RAB38: variants seen among roughly 807,000 people sequenced by gnomAD.
RAB38 encodes the protein ras-related protein Rab-38.
RAB38 carries 15 observed loss-of-function variants against 18.4 expected under a neutral mutation model. The observed-to-expected ratio is 0.82, with a 90% CI of 0.55 to 1.26. RAB38 has a LOEUF of 1.26. RAB38 is among the 50% of genes most tolerant of loss of function. RAB38 has a pLI of 0.00. For synonymous variants in RAB38, 101 were observed against 104.4 expected (o/e 0.97, Z 0.20); for missense variants, 294 against 267.4 (o/e 1.10, Z -0.69).
chr11:88,024,669 G>C, the RAB38 span, among the ~76,000 whole-genome samples: 677 of 152,226 alleles, frequency 4.4e-3, 2 homozygotes, highest in African/African-American at 0.016. Context: ...TAAAGAAAAT[G>C]TGTAATGTAG....
chr11:88,163,128 G>A (rs1403250954), intron 1 of RAB38, among the ~76,000 whole-genome samples: 1 of 152,030 alleles, frequency 6.6e-6, no homozygotes, highest in Non-Finnish European at 1.5e-5. Context: ...AACCTGTGCA[G>A]CCTGTGTCCT....
At chr11:87,924,212 G>A in the RAB38 span, among the ~76,000 whole-genome samples, 1 of 151,980 alleles carries the variant, frequency 6.6e-6, no homozygotes, top group Non-Finnish European at 1.5e-5. Flanking sequence ...GGCAAGTAAT[G>A]GAATCTGTAT....
At chr11:87,820,278 A>G in the RAB38 span, among the ~76,000 whole-genome samples, 1 of 152,194 alleles carries the variant, frequency 6.6e-6, no homozygotes, top group Non-Finnish European at 1.5e-5. Context: ...AACCAAGTAG[A>G]TTTCTCTGGC....
At chr11:87,955,521 T>TTAAAG in the RAB38 span, among the ~76,000 whole-genome samples, 1 of 152,112 alleles carries the variant, frequency 6.6e-6, no homozygotes, top group Admixed American at 6.5e-5. Context: ...TTAAAATTAT[T>TTAAAG]TAAAGTATCA....
the RAB38 span, among the ~76,000 whole-genome samples, chr11:88,029,206 C>T: frequency 6.6e-6 from 1 of 152,094 alleles, no homozygotes; most frequent in South Asian, 2.1e-4. Context: ...ACCAGGCCTG[C>T]CCTAAAAGAG....
the RAB38 span, among the ~76,000 whole-genome samples, chr11:88,020,211 G>A: frequency 6.6e-6 from 1 of 152,058 alleles, no homozygotes; most frequent in East Asian, 1.9e-4. Flanking sequence ...TTGTCTACAA[G>A]AAACACACTT....
chr11:88,122,963 G>T (rs1413760763), intron 2 of RAB38, among the ~76,000 whole-genome samples: 1 of 152,168 alleles, frequency 6.6e-6, no homozygotes, highest in African/African-American at 2.4e-5. Flanking sequence ...CAAGTGAAAA[G>T]CCTGAGCCTC....
At chr11:87,950,673 G>C in the RAB38 span, among the ~76,000 whole-genome samples, 2 of 152,260 alleles carry the variant, frequency 1.3e-5, no homozygotes, top group South Asian at 2.1e-4. Flanking sequence ...ATGAAATTCT[G>C]GGTTGAAAAT....
chr11:87,873,922 G>GTATATATATATATATATATATATATA, the RAB38 span, among the ~76,000 whole-genome samples: 6 of 103,106 alleles, frequency 5.8e-5, no homozygotes, highest in African/African-American at 7.6e-5. Context: ...GTGTGTGTGT[G>GTATATATATATATATATATATATATA]TATATATATA....
the RAB38 span, among the ~76,000 whole-genome samples, chr11:88,089,483 A>C: frequency 1.3e-5 from 2 of 151,936 alleles, no homozygotes; most frequent in African/African-American, 4.8e-5. Context: ...CTGGGTCTGC[A>C]TTAATATATT....
At chr11:87,976,972 A>G in the RAB38 span, among the ~76,000 whole-genome samples, 12 of 59,282 alleles carry the variant, frequency 2.0e-4, 3 homozygotes, top group African/African-American at 5.9e-4. Flanking sequence ...ATACAAGTAT[A>G]TTATAAAATA....
chr11:87,919,683 G>C, the RAB38 span, among the ~76,000 whole-genome samples: 13 of 151,328 alleles, frequency 8.6e-5, no homozygotes, highest in Non-Finnish European at 1.5e-4. Flanking sequence ...ACTGGTATTA[G>C]TTACTTAAAT....
At chr11:88,007,393 C>A in the RAB38 span, among the ~76,000 whole-genome samples, 2 of 150,972 alleles carry the variant, frequency 1.3e-5, no homozygotes, top group Non-Finnish European at 3.0e-5. Flanking sequence ...AATTTGTATC[C>A]TAAATAGCTA....
the RAB38 span, among the ~76,000 whole-genome samples, chr11:88,081,361 A>T: frequency 6.6e-6 from 1 of 151,974 alleles, no homozygotes; most frequent in Non-Finnish European, 1.5e-5. Flanking sequence ...AAGCTGTGTT[A>T]GTTTTCTACA....
At chr11:87,968,672 AAAAT>A in the RAB38 span, among the ~76,000 whole-genome samples, 1 of 152,184 alleles carries the variant, frequency 6.6e-6, no homozygotes, top group South Asian at 2.1e-4. Context: ...CTAGCTAAGA[AAAAT>A]AACCATCTGG....
At chr11:88,162,452 A>C (rs186367028) in intron 1 of RAB38, among the ~76,000 whole-genome samples, 1 of 143,220 alleles carries the variant, frequency 7.0e-6, no homozygotes, top group East Asian at 2.0e-4. Flanking sequence ...TTAATTCTTT[A>C]CTCCTCTCCC....
At chr11:87,867,624 A>G in the RAB38 span, among the ~76,000 whole-genome samples, 2 of 151,762 alleles carry the variant, frequency 1.3e-5, no homozygotes, top group Non-Finnish European at 3.0e-5. Flanking sequence ...GAGATTTGGT[A>G]ATAACCAGAG....
intron 2 of RAB38, among the ~76,000 whole-genome samples, chr11:88,148,298 G>A (rs1943016917): frequency 6.6e-6 from 1 of 152,206 alleles, no homozygotes; most frequent in African/African-American, 2.4e-5. Context: ...CACTGTGACA[G>A]AAAAAGTGGC....
At chr11:87,945,745 G>A in the RAB38 span, among the ~76,000 whole-genome samples, 1 of 152,114 alleles carries the variant, frequency 6.6e-6, no homozygotes, top group South Asian at 2.1e-4. Flanking sequence ...TTCACCTAAG[G>A]TTATGAAAAT....
Sources: gnomAD v4.1 joint callset for allele counts (sites outside exome capture counted in the v4.1 genomes callset) on GRCh38, gnomAD v4.1.1 for gene constraint, MANE v1.5 for transcripts, NCBI Gene and HGNC (gene_info 2026-07-23, HGNC 2026-07-21) for gene names.